PDXK: variants seen among roughly 807,000 people sequenced by gnomAD.
The protein encoded by PDXK is epididymis secretory sperm binding protein Li 1a.
PDXK carries 15 observed loss-of-function variants against 43.2 expected under a neutral mutation model. The observed-to-expected ratio is 0.35, with a 90% CI of 0.23 to 0.53. The LOEUF (loss-of-function observed/expected upper bound fraction) is 0.53. PDXK is among the 20% of genes least tolerant of loss of function. The pLI, the probability that PDXK is intolerant of heterozygous loss-of-function variation, is 0.92. For synonymous variants in PDXK, 172 were observed against 165.4 expected, an observed-to-expected ratio of 1.04 and a Z score of -0.31; for missense variants, 343 against 417.0, an observed-to-expected ratio of 0.82 and a Z score of 1.54.
In PDXK at chr21:43,741,758, C is replaced by T. The variant is rs528693897; in HGVS notation, c.234C>T (p.Asp78=). Reference sequence around the variant, plus strand: ...GGCTGAACAACATGAATAAATATGACTACGTGCTCACAGGTAGGTGCCGGA... The same window carrying T: ...GGCTGAACAACATGAATAAATATGATTACGTGCTCACAGGTAGGTGCCGGA... ...GLRLNNMNKY[D]YVLTGYTRDK... The change falls in exon 3 of 11, where the codon GAC becomes GAT. Residue 78 remains aspartate, a synonymous_variant. Coordinates refer to ENST00000291565, the MANE Select transcript of PDXK (RefSeq NM_003681.5). 3 of 1,606,234 alleles carry T rather than the reference C, an allele frequency of 1.9e-6. No homozygotes were observed. In the Admixed American group the frequency reaches 5.0e-5, roughly 27 times the overall value.
intron 1 of PDXK, among the ~76,000 whole-genome samples, chr21:43,731,445 G>C (rs1330551965): frequency 1.3e-5 from 2 of 152,232 alleles, no homozygotes; most frequent in Non-Finnish European, 2.9e-5. Context: ...GTCATTCTTA[G>C]AATTCTGCCA....
chr21:43,733,248 TCCCCAC>T lies in PDXK; in HGVS notation c.88-816_88-811del, dbSNP rs1478604493. Among the ~76,000 whole-genome samples the T allele has an allele frequency of 6.9e-3, 241 of 35,098 alleles. 3 individuals are homozygous for T. Among genetic ancestry groups the T allele is most frequent in the African/African-American group, 0.023 (198 of 8,604 alleles). The allele number at this position is 35,098 out of a possible 152,430, so 23.0% of individuals were successfully genotyped here. A position where few individuals can be genotyped will look rare whatever the true frequency, so the allele number is the denominator to read the frequency against. On this transcript the variant is annotated intron_variant, in intron 1 of 10. Transcript: ENST00000291565. ...GGGAAGCCCCGGAAGCCCCTCCCCA[TCCCCAC>T]CCCCCCCCCCGCCCCCCCCGCCCTG...
intron 2 of PDXK, among the ~76,000 whole-genome samples, chr21:43,739,888 C>A (rs1165498966): frequency 2.0e-5 from 3 of 151,822 alleles, no homozygotes; most frequent in Non-Finnish European, 4.4e-5. Flanking sequence ...CTCCCTCCTC[C>A]TACCCCTTAC....
intron 1 of PDXK, among the ~76,000 whole-genome samples, chr21:43,726,547 A>C (rs1485503110): frequency 1.3e-5 from 2 of 152,044 alleles, no homozygotes; most frequent in Non-Finnish European, 2.9e-5. Flanking sequence ...AAGTGCTGGG[A>C]TTACGGCTGA....
chr21:43,725,295 CA>C (rs1455487889), intron 1 of PDXK, among the ~76,000 whole-genome samples: 3 of 152,134 alleles, frequency 2.0e-5, no homozygotes, highest in Non-Finnish European at 2.9e-5. Context: ...TGCACTCCAG[CA>C]CGGGCGACAG....
intron 1 of PDXK, among the ~76,000 whole-genome samples, chr21:43,725,832 A>G (rs1210680993): frequency 6.6e-6 from 1 of 151,886 alleles, no homozygotes; most frequent in Non-Finnish European, 1.5e-5. Flanking sequence ...AAAGAAAAGG[A>G]AAGGAAAAAG....
In PDXK at chr21:43,753,726, C is replaced by T; in HGVS notation, c.759+7C>T. 1.9e-6 allele frequency: 3 copies of T among 1,608,140 alleles called. No individual in the cohort carries two copies. The highest frequency in any genetic ancestry group is 2.6e-6 in the Non-Finnish European group (3 of 1,176,308). On this transcript the variant is annotated splice_region_variant and intron_variant, in intron 9 of 10. Coordinates refer to ENST00000291565, the MANE Select transcript of PDXK (RefSeq NM_003681.5). ...GCACCCCAATAACCTCAAGGTCAGC[C>T]ACACGCACCGCTCCCCTCCTCGCCC...
Position 43,753,634 on chromosome 21 carries a change from A to G in PDXK, c.674A>G (p.Lys225Arg). 6.2e-7 allele frequency: 1 copy of G among 1,613,612 alleles called. No individual in the cohort carries two copies. Among genetic ancestry groups the G allele is most frequent in the Non-Finnish European group, 8.5e-7 (1 of 1,179,710 alleles). ...VMERIRMDIR[K>R]VDAVFVGTGD... The stretch of plus-strand genomic sequence containing the variant: ...GAACGCATCCGGATGGACATTCGCA[A>G]AGTGGACGCCGTCTTTGTGGGCACT... The change falls in exon 9 of 11, where the codon AAA becomes AGA. Residue 225 changes from lysine to arginine, a missense_variant. Transcript: ENST00000291565.
At position 43,752,513 on chromosome 21, in the gene PDXK, G is replaced by C; in HGVS notation, c.511-5G>C. 2 of 1,601,668 alleles carry C rather than the reference G, an allele frequency of 1.2e-6. No individual in the cohort carries two copies. Among genetic ancestry groups the C allele is most frequent in the Non-Finnish European group, 1.7e-6 (2 of 1,172,334 alleles). ...CGTGGCTGACGCTCCCTGTGCCACT[G>C]CTAGGTGATGGACATGCTGCACTCT... On this transcript the variant is annotated splice_polypyrimidine_tract_variant and splice_region_variant and intron_variant, in intron 7 of 10. Coordinates refer to ENST00000291565, the MANE Select transcript of PDXK (RefSeq NM_003681.5).
At chr21:43,749,896 A>T (rs894113787) in intron 6 of PDXK, among the ~76,000 whole-genome samples, 1 of 152,218 alleles carries the variant, frequency 6.6e-6, no homozygotes. Context: ...GGCTCCCCCC[A>T]GCTGAAGAAT....
Position 43,758,603 on chromosome 21 carries a change from T to C in PDXK, c.*2540T>C, listed in dbSNP as rs1429426560. Reference sequence around the variant, plus strand: ...GGTGGCCTTCAGTTTCAGTTTCTCATCCAGGAAGGTAACCTTGGGCATTGG... The same window carrying C: ...GGTGGCCTTCAGTTTCAGTTTCTCACCCAGGAAGGTAACCTTGGGCATTGG... On this transcript the variant is annotated 3_prime_UTR_variant, in exon 11 of 11. Transcript: ENST00000291565. 2.6e-5 allele frequency: 4 copies of C among 153,728 alleles called. No individual in the cohort carries two copies. Among genetic ancestry groups the C allele is most frequent in the African/African-American group, 9.6e-5 (4 of 41,452 alleles). 9.5% of individuals were successfully genotyped at this position (153,728 alleles called of 1,614,324 possible).
intron 6 of PDXK, 72 bp from the exon 7 acceptor site, chr21:43,750,428 G>A: frequency 7.3e-7 from 1 of 1,360,762 alleles, no homozygotes; most frequent in Admixed American, 1.9e-5. Context: ...TGCGGTTTGG[G>A]GAATGTCAAC....
At chr21:43,752,661 T>C in intron 8 of PDXK, 32 bp downstream of exon 8, 1 of 1,307,698 alleles carries the variant, frequency 7.6e-7, no homozygotes, top group Non-Finnish European at 1.1e-6. Context: ...CGTGGCCGCC[T>C]CTGCTCTTCC....
chr21:43,736,105 T>A (rs1444895759), intron 2 of PDXK, among the ~76,000 whole-genome samples: 1 of 152,168 alleles, frequency 6.6e-6, no homozygotes, highest in Non-Finnish European at 1.5e-5. Context: ...CGCTTTTTGT[T>A]TTTTGAGTTT....
At position 43,737,190 on chromosome 21, in the gene PDXK, C is replaced by T. The variant is rs114006529; in HGVS notation, c.142+3067C>T. 6.8e-4 allele frequency: 989 copies of T among 1,445,924 alleles called. 8 individuals carry two copies. The African/African-American group carries it at 0.013, about 19-fold the overall frequency. The allele number at this position is 1,445,924 out of a possible 1,614,324, so 89.6% of individuals were successfully genotyped here. On this transcript the variant is annotated intron_variant, in intron 2 of 10. Transcript: ENST00000291565. The surrounding 1 kb of genome is among the most constrained non-coding windows in gnomAD (Gnocchi z 4.8). ...ACTCCCGGCAGGGACACGGGTGTTCCACACAAGCTGCGTTGTTGGTTCCCT... is the reference window on the plus strand; with the variant it reads ...ACTCCCGGCAGGGACACGGGTGTTCTACACAAGCTGCGTTGTTGGTTCCCT...
chr21:43,750,979 T>TGTGTGTGTGTGTGC (rs57132172), intron 7 of PDXK, among the ~76,000 whole-genome samples: 8 of 148,176 alleles, frequency 5.4e-5, no homozygotes, highest in African/African-American at 2.0e-4. Flanking sequence ...TGTGTGTGTG[T>TGTGTGTGTGTGTGC]GCACATGTGT....
intron 6 of PDXK, among the ~76,000 whole-genome samples, chr21:43,750,144 C>T (rs570779571): frequency 1.4e-4 from 22 of 152,348 alleles, no homozygotes; most frequent in South Asian, 1.2e-3. Flanking sequence ...GTGGCCCATG[C>T]GTGCATTAAT....
intron 2 of PDXK, among the ~76,000 whole-genome samples, chr21:43,739,407 G>T (rs995254645): frequency 2.6e-5 from 4 of 152,114 alleles, no homozygotes; most frequent in African/African-American, 9.7e-5. Context: ...TGTTGAGGCT[G>T]GTCCCCAACA....
chr21:43,756,071 G>A lies in PDXK; in HGVS notation c.*8G>A, dbSNP rs1047402. On this transcript the variant is annotated 3_prime_UTR_variant, in exon 11 of 11. Coordinates refer to ENST00000291565, the MANE Select transcript of PDXK (RefSeq NM_003681.5). Reference sequence around the variant, plus strand: ...CAGGCCACGGTGCTGTGAGGGCCCCGCCGCTTGCCCGTGACACGCAGCGCG... The same window carrying A: ...CAGGCCACGGTGCTGTGAGGGCCCCACCGCTTGCCCGTGACACGCAGCGCG... 1,292 of 1,551,610 alleles carry A rather than the reference G, an allele frequency of 8.3e-4. 18 individuals are homozygous for A. In the South Asian group the frequency reaches 0.013, roughly 16 times the overall value.
Sources: gnomAD v4.1 joint callset for allele counts (sites outside exome capture counted in the v4.1 genomes callset) on GRCh38, gnomAD v4.1.1 for gene constraint, Gnocchi (gnomAD v3.1) non-coding constraint, MANE v1.5 for transcripts, NCBI Gene and HGNC (gene_info 2026-07-23, HGNC 2026-07-21) for gene names.